Variants in UGT2A1 observed in about 807,000 individuals in gnomAD.
The protein encoded by UGT2A1 is UDP-glucuronosyltransferase 2A1.
In UGT2A1, 61 loss-of-function variants were observed where a neutral mutation model predicts 45.4. That is an observed-to-expected ratio of 1.34 (90% CI 1.09 to 1.66). The LOEUF is 1.66. Ranked by LOEUF, UGT2A1 falls within the 40% of genes most tolerant of loss-of-function variation. The pLI is 0.00. For synonymous variants in UGT2A1, 229 were observed against 196.2 expected, an observed-to-expected ratio of 1.17 and a Z score of -1.40; for missense variants, 649 against 574.3, an observed-to-expected ratio of 1.13 and a Z score of -1.33.
rs4148304 is a variant in UGT2A1 at position 69,594,610 on chromosome 4, C to G, written c.1171G>C (p.Val391Leu). The G allele has an allele frequency of 6.2e-6, 10 of 1,613,918 alleles. No individual in the cohort carries two copies. Among genetic ancestry groups the G allele is most frequent in the Non-Finnish European group, 7.6e-6 (9 of 1,180,002 alleles). ...AIYHGVPMVG[V>L]PMFADQPDNI... ...TCAGGCTGATCAGCAAACATGGGAA[C>G]TCCCACCATAGGGACTCCGTGGTAA... Residue 391 changes from valine to leucine, a missense_variant, in exon 6 of 7, where the codon GTT becomes CTT. Transcript: ENST00000286604.
rs1191962827 is a variant in UGT2A1, at chr4:69,588,820, C to T, written c.*552G>A. On this transcript the variant is annotated 3_prime_UTR_variant, in exon 7 of 7. Transcript: ENST00000286604. ...AGACATTTAATAGGGACGCACGTCA[C>T]ACTTAAAATTCATTCTCTAACTCCT... The T allele has an allele frequency of 2.0e-5, 3 of 152,086 alleles. No homozygotes were observed. Among genetic ancestry groups the T allele is most frequent in the Admixed American group, 2.0e-4 (3 of 15,256 alleles). The allele number at this position is 152,086 out of a possible 1,614,324, so 9.4% of individuals were successfully genotyped here. A position where few individuals can be genotyped will look rare whatever the true frequency, so the allele number is the denominator to read the frequency against.
chr4:69,610,005 AAC>A (rs1159199199), intron 3 of UGT2A1, among the ~76,000 whole-genome samples: 1 of 152,178 alleles, frequency 6.6e-6, no homozygotes, highest in African/African-American at 2.4e-5. Flanking sequence ...AATAACATAT[AAC>A]TAGCAGACCT....
rs1399964250 is a variant in UGT2A1 at position 69,604,561 on chromosome 4, C to G, written c.848-5167G>C. On this transcript the variant is annotated intron_variant, in intron 3 of 6. Transcript: ENST00000286604. The stretch of plus-strand genomic sequence containing the variant: ...CATCATAATGACAGGATCAAGTTCA[C>G]ACATAAGAATATTAACCTTAAACAT... Among the ~76,000 whole-genome samples, 4 of 136,338 alleles carry G rather than the reference C, an allele frequency of 2.9e-5. 1 individual carries two copies. The highest frequency in any genetic ancestry group is 6.2e-5 in the Non-Finnish European group (4 of 64,204). The allele number at this position is 136,338 out of a possible 152,430, so 89.4% of individuals were successfully genotyped here.
At chr4:69,619,621 C>T (rs191681005) in intron 3 of UGT2A1, among the ~76,000 whole-genome samples, 1 of 151,852 alleles carries the variant, frequency 6.6e-6, no homozygotes, top group East Asian at 1.9e-4. Flanking sequence ...GAAACTTAAA[C>T]ACATTCTAAA....
intron 3 of UGT2A1, among the ~76,000 whole-genome samples, chr4:69,605,578 A>G (rs1487086270): frequency 1.5e-5 from 2 of 136,978 alleles, no homozygotes; most frequent in African/African-American, 3.0e-5. Context: ...AGATCAGAGC[A>G]GAACTGAAGG....
intron 3 of UGT2A1, among the ~76,000 whole-genome samples, chr4:69,604,709 T>G (rs1719499399): frequency 1.5e-5 from 2 of 135,872 alleles, no homozygotes; most frequent in Non-Finnish European, 3.1e-5. Flanking sequence ...AGGCTCAAAA[T>G]AAAGTGATGG....
Position 69,603,298 on chromosome 4 carries a change from GA to G in UGT2A1, c.848-3905del, listed in dbSNP as rs1322744555. Among the ~76,000 whole-genome samples the G allele has an allele frequency of 1.5e-5, 2 of 134,598 alleles. 1 individual carries two copies. The highest frequency in any genetic ancestry group is 4.2e-4 in the East Asian group (2 of 4,764). The allele number at this position is 134,598 out of a possible 152,430, so 88.3% of individuals were successfully genotyped here. On this transcript the variant is annotated intron_variant, in intron 3 of 6. Coordinates refer to ENST00000286604, the MANE Select transcript of UGT2A1 (RefSeq NM_001252275.3). ...TATAAAGGAAAGCAGTTAAGATAGT[GA>G]AAAAAAACAAAACCACTTATGTAAT...
chr4:69,594,547 C>T lies in UGT2A1; in HGVS notation c.1234G>A (p.Glu412Lys). ...CTTGTCATTGTGTTTAGGTTCACTT[C>T]CACAGCTGCTCCTTTGGCCTTCATG... ...AHMKAKGAAVEVNLNTMTSVD... is the reference protein window; with the variant it reads ...AHMKAKGAAVKVNLNTMTSVD... The change falls in exon 6 of 7, where the codon GAA (glutamate) becomes AAA (lysine). Residue 412 changes from glutamate to lysine, a missense_variant. Coordinates refer to ENST00000286604, the MANE Select transcript of UGT2A1 (RefSeq NM_001252275.3). 6.2e-7 allele frequency: 1 copy of T among 1,614,154 alleles called. No individual in the cohort carries two copies. The highest frequency in any genetic ancestry group is 8.5e-7 in the Non-Finnish European group (1 of 1,180,030).
At chr4:69,627,984 G>T (rs1224598570) in intron 3 of UGT2A1, among the ~76,000 whole-genome samples, 2 of 151,848 alleles carry the variant, frequency 1.3e-5, no homozygotes, top group African/African-American at 4.8e-5. Context: ...TAAGTTTGTT[G>T]ATTGTCTCTT....
Position 69,599,152 on chromosome 4 carries a change from G to A in UGT2A1, c.996+94C>T, listed in dbSNP as rs565399121. On this transcript the variant is annotated intron_variant, in intron 4 of 6. Coordinates refer to ENST00000286604, the MANE Select transcript of UGT2A1 (RefSeq NM_001252275.3). ...GTGGAGTAGCAAACTGAAATGTCCAGCAGCATTTATTTGTTATTGAGGCTA... is the reference window on the plus strand; with the variant it reads ...GTGGAGTAGCAAACTGAAATGTCCAACAGCATTTATTTGTTATTGAGGCTA... 9.0e-5 allele frequency: 130 copies of A among 1,443,264 alleles called. 1 individual carries two copies. The East Asian group carries it at 2.9e-3, about 33-fold the overall frequency. The allele number at this position is 1,443,264 out of a possible 1,614,324, so 89.4% of individuals were successfully genotyped here.
At chr4:69,649,864 C>A (rs1722441971) in intron 1 of UGT2A1, among the ~76,000 whole-genome samples, 1 of 152,048 alleles carries the variant, frequency 6.6e-6, no homozygotes, top group Non-Finnish European at 1.5e-5. Context: ...CATCTCCTGA[C>A]ACATGCGCAG....
chr4:69,645,283 C>A (rs1310279917), intron 2 of UGT2A1, among the ~76,000 whole-genome samples: 1 of 151,766 alleles, frequency 6.6e-6, no homozygotes, highest in Admixed American at 6.6e-5. Flanking sequence ...GTATCACATA[C>A]ACAGCATGTC....
At position 69,639,722 on chromosome 4, in the gene UGT2A1, G is replaced by A. The variant is rs141102718; in HGVS notation, c.716-3900C>T. 779 of 1,347,234 alleles carry A rather than the reference G, an allele frequency of 5.8e-4. 3 individuals are homozygous for A. In the African/African-American group the frequency reaches 8.0e-3, roughly 14 times the overall value. The allele number at this position is 1,347,234 out of a possible 1,614,324, so 83.5% of individuals were successfully genotyped here. On this transcript the variant is annotated intron_variant, in intron 2 of 6. Transcript: ENST00000286604. Reference sequence around the variant, plus strand: ...TTTTAAATAAAGTAATATTTAGTGCGATGGTTACACTCAGTCGTAGGTCAA... The same window carrying A: ...TTTTAAATAAAGTAATATTTAGTGCAATGGTTACACTCAGTCGTAGGTCAA...
intron 1 of UGT2A1, among the ~76,000 whole-genome samples, chr4:69,652,250 C>T (rs1246713997): frequency 6.7e-6 from 1 of 150,236 alleles, no homozygotes; most frequent in Non-Finnish European, 1.5e-5. Context: ...ATTGCTTTTA[C>T]AACAGCATTT....
At chr4:69,594,333 T>C in intron 6 of UGT2A1, 144 bp downstream of exon 6, 3 of 1,142,540 alleles carry the variant, frequency 2.6e-6, no homozygotes, top group Admixed American at 3.0e-5. Context: ...CTTTAGCAGT[T>C]TGGCAAATAA....
At chr4:69,594,265 C>T (rs977349173) in intron 6 of UGT2A1, among the ~76,000 whole-genome samples, 2 of 152,074 alleles carry the variant, frequency 1.3e-5, no homozygotes, top group African/African-American at 2.4e-5. Context: ...TGAGCCACTG[C>T]GCCCGGCCAA....
chr4:69,643,095 C>G (rs1722113969), intron 2 of UGT2A1, among the ~76,000 whole-genome samples: 1 of 151,348 alleles, frequency 6.6e-6, no homozygotes, highest in Non-Finnish European at 1.5e-5. Context: ...CTCCTAATGC[C>G]AAAAATATAT....
rs776766269 is a variant in UGT2A1, at chr4:69,647,177, G to A, written c.468C>T (p.Gly156=). The A allele has an allele frequency of 6.8e-6, 11 of 1,612,776 alleles. No individual in the cohort carries two copies. Among genetic ancestry groups the A allele is most frequent in the East Asian group, 2.2e-5 (1 of 44,842 alleles). Residue 156 remains glycine (G), a synonymous_variant, in exon 2 of 7, where the codon GGC becomes GGT. Transcript: ENST00000286604. ...TTCCAAGTTTTAAAGCTACTATATC[G>A]CCACAAGGAAATACTGGATCAGACA... ...VLVSDPVFPC[G]DIVALKLGIP...
At chr4:69,639,590 C>A in intron 2 of UGT2A1, 1 of 1,609,256 alleles carries the variant, frequency 6.2e-7, no homozygotes, top group Non-Finnish European at 8.5e-7. Context: ...AATTAAAAAC[C>A]AGCATCTGGA....
Sources: gnomAD v4.1 joint callset for allele counts (sites outside exome capture counted in the v4.1 genomes callset) on GRCh38, gnomAD v4.1.1 for gene constraint, MANE v1.5 for transcripts, NCBI Gene and HGNC (gene_info 2026-07-23, HGNC 2026-07-21) for gene names.